Variants in ENDOV observed in about 807,000 individuals in gnomAD.
The protein encoded by ENDOV is hEndoV.
In ENDOV, 37 loss-of-function variants were observed where a neutral mutation model predicts 39.4. The observed-to-expected ratio is 0.94, with a 90% CI of 0.72 to 1.23. The LOEUF (loss-of-function observed/expected upper bound fraction) is 1.23. ENDOV is among the 50% of genes most tolerant of loss of function. ENDOV has a pLI of 0.00. For synonymous variants in ENDOV, 186 were observed against 163.4 expected, an observed-to-expected ratio of 1.14 and a Z score of -1.05; for missense variants, 441 against 375.7, an observed-to-expected ratio of 1.17 and a Z score of -1.44.
chr17:80,424,841 G>A (rs565018269), intron 5 of ENDOV, among the ~76,000 whole-genome samples, 191 bp from the exon 6 acceptor site: 1 of 152,178 alleles, frequency 6.6e-6, no homozygotes, highest in Non-Finnish European at 1.5e-5. Flanking sequence ...TGTAGTCCCA[G>A]CTACTCAGGA....
In ENDOV at chr17:80,415,743, C is replaced by T. The variant is rs1222336656; in HGVS notation, c.150C>T (p.Gly50=). The T allele has an allele frequency of 6.2e-7, 1 of 1,606,386 alleles. No homozygotes were observed. Among genetic ancestry groups the T allele is most frequent in the Non-Finnish European group, 8.5e-7 (1 of 1,176,792 alleles). Residue 50 remains glycine, a synonymous_variant, in exon 2 of 10, where the codon GGC becomes GGT. Coordinates refer to ENST00000518137, the MANE Select transcript of ENDOV (RefSeq NM_173627.5). Reference sequence around the variant, plus strand: ...TCTCGGGTCTGCAGAGGGTCGGGGGCGTTGACGTGTCCTTCGTGAAAGGGG... The same window carrying T: ...TCTCGGGTCTGCAGAGGGTCGGGGGTGTTGACGTGTCCTTCGTGAAAGGGG... ...PAFSGLQRVG[G]VDVSFVKGDS...
chr17:80,433,258 T>C, intron 9 of ENDOV: 1 of 518,714 alleles, frequency 1.9e-6, no homozygotes, highest in Non-Finnish European at 3.9e-6. Context: ...CCTGCCCATG[T>C]GGTGGGGGAT....
At chr17:80,417,771 A>C (rs542746680) in intron 2 of ENDOV, 50 of 152,328 alleles carry the variant, frequency 3.3e-4, no homozygotes, top group African/African-American at 1.1e-3. Flanking sequence ...TATAAACTCC[A>C]TGATGGTAGA....
intron 7 of ENDOV, 109 bp downstream of exon 7, chr17:80,425,729 G>A: frequency 6.7e-7 from 1 of 1,484,322 alleles, no homozygotes; most frequent in East Asian, 2.5e-5. Context: ...AGTGACATGA[G>A]GACGGGGGTT....
intron 2 of ENDOV, chr17:80,419,484 A>G (rs1312578293): frequency 4.5e-6 from 3 of 669,556 alleles, no homozygotes; most frequent in Admixed American, 2.0e-5. Context: ...GCTGCTCCAC[A>G]GGCCTGGTGG....
intron 9 of ENDOV, chr17:80,430,299 T>C (rs1468138147): frequency 1.3e-6 from 2 of 1,508,310 alleles, no homozygotes; most frequent in African/African-American, 2.8e-5. Context: ...CAGCCTGTGC[T>C]TTGCCCACCC....
chr17:80,429,091 G>A (rs909332378), intron 8 of ENDOV, among the ~76,000 whole-genome samples: 1 of 152,184 alleles, frequency 6.6e-6, no homozygotes, highest in East Asian at 1.9e-4. Context: ...CCTCATCGTC[G>A]GGATAGGCTC....
chr17:80,423,803 C>G (rs2082352121), intron 5 of ENDOV, 171 bp downstream of exon 5: 2 of 637,772 alleles, frequency 3.1e-6, no homozygotes, highest in South Asian at 4.0e-5. Flanking sequence ...TGCTGCATTG[C>G]CTGTCTCAGC....
intron 2 of ENDOV, among the ~76,000 whole-genome samples, chr17:80,416,595 C>T (rs2081220372): frequency 6.6e-6 from 1 of 152,284 alleles, no homozygotes; most frequent in African/African-American, 2.4e-5. Context: ...CATGGGTGCC[C>T]TGGCTCAAAT....
chr17:80,435,951 C>T (rs1226609412), intron 9 of ENDOV, among the ~76,000 whole-genome samples, 182 bp from the exon 10 acceptor site: 1 of 152,082 alleles, frequency 6.6e-6, no homozygotes, highest in Non-Finnish European at 1.5e-5. Flanking sequence ...GACAGGGTCT[C>T]ACCATGTTAC....
At chr17:80,436,095 T>A in intron 9 of ENDOV, 38 bp from the exon 10 acceptor site, 1 of 1,606,606 alleles carries the variant, frequency 6.2e-7, no homozygotes. Flanking sequence ...GCCTTTTATT[T>A]CTTTTTCTTG....
chr17:80,430,806 C>T (rs1306158238), intron 9 of ENDOV, among the ~76,000 whole-genome samples: 1 of 152,228 alleles, frequency 6.6e-6, no homozygotes, highest in Non-Finnish European at 1.5e-5. Flanking sequence ...TCTGTCCTTG[C>T]CTGCCTTGCC....
chr17:80,429,529 G>C (rs1424586370), intron 8 of ENDOV, among the ~76,000 whole-genome samples: 1 of 152,210 alleles, frequency 6.6e-6, no homozygotes, highest in East Asian at 1.9e-4. Flanking sequence ...GCCTCCCTAG[G>C]CTGCTTTGAG....
intron 5 of ENDOV, chr17:80,423,956 C>T (rs41299816): frequency 0.1 from 38,063 of 364,262 alleles, 2,750 homozygotes; most frequent in African/African-American, 0.14. Flanking sequence ...CTGTCCCGGG[C>T]GCACTTGGTG....
chr17:80,430,373 A>G lies in ENDOV; in HGVS notation c.838+542A>G, dbSNP rs990983090. 3.0e-5 allele frequency: 45 copies of G among 1,492,996 alleles called. No individual in the cohort carries two copies. In the East Asian group the frequency reaches 3.7e-4, roughly 12 times the overall value. The allele number at this position is 1,492,996 out of a possible 1,614,324, so 92.5% of individuals were successfully genotyped here. A position where few individuals can be genotyped will look rare whatever the true frequency, so the allele number is the denominator to read the frequency against. On this transcript the variant is annotated intron_variant, in intron 9 of 9. Transcript: ENST00000518137. Reference sequence around the variant, plus strand: ...TCTCAGGATTCATTTTTTATTTCACATATTTGTTTGTTTGTTTATTTATTT... The same window carrying G: ...TCTCAGGATTCATTTTTTATTTCACGTATTTGTTTGTTTGTTTATTTATTT...
chr17:80,423,048 G>A (rs1333459157), intron 4 of ENDOV, among the ~76,000 whole-genome samples: 3 of 152,234 alleles, frequency 2.0e-5, no homozygotes, highest in Non-Finnish European at 4.4e-5. Context: ...GGGCGGCGCA[G>A]CAGCACCCAG....
rs1207594929 is a variant in ENDOV at position 80,423,625 on chromosome 17, A to G, written c.509A>G (p.Lys170Arg). The G allele has an allele frequency of 1.3e-6, 2 of 1,551,266 alleles. No homozygotes were observed. The highest frequency in any genetic ancestry group is 1.7e-6 in the Non-Finnish European group (2 of 1,148,046). Residue 170 changes from lysine to arginine, a missense_variant, in exon 5 of 10, where the codon AAG becomes AGG. By Grantham distance (26) the Lys-to-Arg change is conservative. Coordinates refer to ENST00000518137, the MANE Select transcript of ENDOV (RefSeq NM_173627.5). ...VDGLENNALH[K>R]EKIRLLQTRG... is the part of the protein sequence containing the mutation. ...GGGCTGGAGAACAACGCCCTGCACAAGGAGAAGGTGAGGAGGGGCCTGCTG... is the reference window on the plus strand; with the variant it reads ...GGGCTGGAGAACAACGCCCTGCACAGGGAGAAGGTGAGGAGGGGCCTGCTG...
chr17:80,416,442 G>A (rs1323698127), intron 2 of ENDOV, among the ~76,000 whole-genome samples: 3 of 151,978 alleles, frequency 2.0e-5, no homozygotes, highest in African/African-American at 2.4e-5. Flanking sequence ...GGGCCCCTCC[G>A]TTCCTCTCGC....
intron 8 of ENDOV, among the ~76,000 whole-genome samples, 200 bp from the exon 9 acceptor site, chr17:80,429,573 C>T (rs1278945622): frequency 1.3e-5 from 2 of 152,216 alleles, no homozygotes; most frequent in Non-Finnish European, 2.9e-5. Context: ...ACCCCCCAAG[C>T]TCTCCCAGAG....
Sources: gnomAD v4.1 joint callset for allele counts (sites outside exome capture counted in the v4.1 genomes callset) on GRCh38, gnomAD v4.1.1 for gene constraint, MANE v1.5 for transcripts, NCBI Gene and HGNC (gene_info 2026-07-23, HGNC 2026-07-21) for gene names.